Variants in RERE observed in about 807,000 individuals in gnomAD.
RERE encodes the protein arginine-glutamic acid dipeptide repeats protein.
In RERE, 40 loss-of-function variants were observed where a neutral mutation model predicts 146.1. The observed-to-expected ratio is 0.27, with a 90% CI of 0.21 to 0.36. The LOEUF (loss-of-function observed/expected upper bound fraction) is 0.36, where lower values mean the gene tolerates loss of function less well. Ranked by LOEUF, RERE falls within the 10% of genes least tolerant of loss-of-function variation. The pLI is 1.00. For synonymous variants in RERE, 1,003 were observed against 866.0 expected (o/e 1.16, Z -2.78); for missense variants, 1,933 against 2,138.7 (o/e 0.90, Z 1.90).
chr1:8,479,099 T>C (rs1424054823), intron 10 of RERE, among the ~76,000 whole-genome samples: 2 of 152,096 alleles, frequency 1.3e-5, no homozygotes, highest in Admixed American at 6.5e-5. Flanking sequence ...AAATAAGTCA[T>C]AACAGCTGGG....
Position 8,474,585 on chromosome 1 carries a change from A to G in RERE, c.1105-8562T>C, listed in dbSNP as rs906640337. Among the ~76,000 whole-genome samples, 3 of 152,278 alleles carry G rather than the reference A, an allele frequency of 2.0e-5. No individual in the cohort carries two copies. In the East Asian group the frequency reaches 5.8e-4, roughly 29 times the overall value. On this transcript the variant is annotated intron_variant, in intron 10 of 22. Transcript: ENST00000400908. ...TTCTGTCTGCGTGATGTTGCAAATA[A>G]ATTTTCCTTTTGGCATGGCTCAGCT...
chr1:8,745,270 A>G (rs1182211014), intron 1 of RERE, among the ~76,000 whole-genome samples: 3 of 152,226 alleles, frequency 2.0e-5, no homozygotes, highest in African/African-American at 7.2e-5. Flanking sequence ...CCACCTTGTG[A>G]AGGTGCCTGC....
chr1:8,462,815 G>T (rs1644544032), intron 11 of RERE, among the ~76,000 whole-genome samples: 1 of 152,122 alleles, frequency 6.6e-6, no homozygotes, highest in Admixed American at 6.5e-5. Context: ...GATGTGGGAG[G>T]ATCACTTGAG....
rs1266403817 is a variant in RERE at position 8,354,832 on chromosome 1, G to A, written c.*255C>T. 1 of 485,998 alleles carries A rather than the reference G, an allele frequency of 2.1e-6. No individual in the cohort carries two copies. Among genetic ancestry groups the A allele is most frequent in the Non-Finnish European group, 3.6e-6 (1 of 278,914 alleles). The allele number at this position is 485,998 out of a possible 1,614,324, so 30.1% of individuals were successfully genotyped here. On this transcript the variant is annotated 3_prime_UTR_variant, in exon 23 of 23. Coordinates refer to ENST00000400908, the MANE Select transcript of RERE (RefSeq NM_001042681.2). The stretch of plus-strand genomic sequence containing the variant: ...CCCAAGATTGCAGGGAAGCTTTCTG[G>A]ATGTTCAGTCCAGTCCAGGACTCAC...
chr1:8,714,464 C>T (rs1639725003), intron 1 of RERE, among the ~76,000 whole-genome samples: 1 of 152,186 alleles, frequency 6.6e-6, no homozygotes, highest in Non-Finnish European at 1.5e-5. Context: ...TATACCCGGC[C>T]AAACTGTGAG....
chr1:8,804,000 TC>T (rs1220253864), intron 1 of RERE, among the ~76,000 whole-genome samples: 2 of 152,178 alleles, frequency 1.3e-5, no homozygotes, highest in African/African-American at 4.8e-5. Context: ...AAGCTAGATT[TC>T]CTAAGAAATA....
chr1:8,460,234 A>C (rs1644509312), intron 11 of RERE, among the ~76,000 whole-genome samples: 1 of 152,172 alleles, frequency 6.6e-6, no homozygotes, highest in Admixed American at 6.5e-5. Context: ...GAAAAGAGTG[A>C]ACAATGAAAA....
chr1:8,426,724 C>T (rs1267521769), intron 11 of RERE, among the ~76,000 whole-genome samples: 1 of 152,194 alleles, frequency 6.6e-6, no homozygotes, highest in Non-Finnish European at 1.5e-5. Context: ...TCAAGGCCCT[C>T]CAGGATCCTG....
At chr1:8,734,219 T>C (rs1640149724) in intron 1 of RERE, among the ~76,000 whole-genome samples, 1 of 152,232 alleles carries the variant, frequency 6.6e-6, no homozygotes, top group Non-Finnish European at 1.5e-5. Context: ...CCAAATTCAT[T>C]ACAAGGTGAA....
At chr1:8,547,449 T>C (rs980189037) in intron 6 of RERE, among the ~76,000 whole-genome samples, 1 of 151,872 alleles carries the variant, frequency 6.6e-6, no homozygotes, top group Non-Finnish European at 1.5e-5. Flanking sequence ...CAATAAAAAA[T>C]ACAACAAATA....
At chr1:8,786,601 C>T (rs1331671270) in intron 1 of RERE, 9 of 767,670 alleles carry the variant, frequency 1.2e-5, no homozygotes, top group East Asian at 2.4e-5. Context: ...TTGATAAAGG[C>T]GAAGAAGCTG....
intron 4 of RERE, among the ~76,000 whole-genome samples, chr1:8,596,695 G>C (rs1646559475): frequency 7.4e-6 from 1 of 134,936 alleles, no homozygotes; most frequent in Admixed American, 7.8e-5. Flanking sequence ...TTTTCTGGTA[G>C]AGACAAGGTC....
At chr1:8,715,840 T>C (rs1157960378) in intron 1 of RERE, among the ~76,000 whole-genome samples, 3 of 151,884 alleles carry the variant, frequency 2.0e-5, no homozygotes, top group African/African-American at 7.3e-5. Flanking sequence ...AAAGTAGAAG[T>C]TGCAGTGAGC....
chr1:8,611,886 G>T (rs1250536785), intron 4 of RERE, among the ~76,000 whole-genome samples: 6 of 152,116 alleles, frequency 3.9e-5, no homozygotes, highest in Non-Finnish European at 8.8e-5. Flanking sequence ...GAGGTTCTGG[G>T]CAATGTTATC....
intron 4 of RERE, among the ~76,000 whole-genome samples, chr1:8,564,411 A>T (rs1646115190): frequency 6.6e-6 from 1 of 152,194 alleles, no homozygotes. Flanking sequence ...ATTATATAAA[A>T]CATTTTAATA....
intron 7 of RERE, among the ~76,000 whole-genome samples, chr1:8,537,409 A>G (rs919787710): frequency 6.6e-6 from 1 of 152,182 alleles, no homozygotes; most frequent in Non-Finnish European, 1.5e-5. Flanking sequence ...TAGTATTTTT[A>G]GAGTAAAACT....
chr1:8,800,628 G>A (rs1641569719), intron 1 of RERE, among the ~76,000 whole-genome samples: 1 of 151,956 alleles, frequency 6.6e-6, no homozygotes, highest in African/African-American at 2.4e-5. Context: ...CTATGATTGC[G>A]CCACCACACT....
chr1:8,640,413 T>A (rs1429425590), intron 2 of RERE, among the ~76,000 whole-genome samples: 2 of 152,194 alleles, frequency 1.3e-5, no homozygotes, highest in Non-Finnish European at 2.9e-5. Flanking sequence ...TATAAAACTG[T>A]ACCTTTGCCT....
chr1:8,520,753 T>TAAAAAAAAA (rs368609572), intron 7 of RERE, among the ~76,000 whole-genome samples: 2 of 78,158 alleles, frequency 2.6e-5, no homozygotes, highest in Admixed American at 1.8e-4. Flanking sequence ...AAAAAACTTT[T>TAAAAAAAAA]TAAAAAAAAA....
Sources: allele counts gnomAD v4.1 joint callset (sites outside exome capture counted in the v4.1 genomes callset), GRCh38; gene constraint gnomAD v4.1.1; transcripts MANE v1.5; gene names NCBI Gene and HGNC (gene_info 2026-07-23, HGNC 2026-07-21).